LRRC4C: variants seen among roughly 807,000 people sequenced by gnomAD.
LRRC4C encodes leucine-rich repeat-containing protein 4C.
LRRC4C carries 5 observed loss-of-function variants against 33.6 expected under a neutral mutation model. The ratio of observed to expected loss-of-function variants is 0.15; its 90% confidence interval spans 0.08 to 0.31. LRRC4C has a LOEUF of 0.31. Ranked by LOEUF, LRRC4C falls within the 10% of genes least tolerant of loss-of-function variation. The pLI, the probability that LRRC4C is intolerant of heterozygous loss-of-function variation, is 1.00. For synonymous variants in LRRC4C, 329 were observed against 302.0 expected (o/e 1.09, Z -0.93); for missense variants, 560 against 796.7 (o/e 0.70, Z 3.58).
intron 1 of LRRC4C, among the ~76,000 whole-genome samples, chr11:40,978,544 T>G (rs1852258133): frequency 6.6e-6 from 1 of 152,100 alleles, no homozygotes; most frequent in South Asian, 2.1e-4. Flanking sequence ...CAACAAAAGA[T>G]TATCTGTCCC....
At chr11:40,570,365 A>G (rs969158030) in intron 3 of LRRC4C, among the ~76,000 whole-genome samples, 10 of 152,162 alleles carry the variant, frequency 6.6e-5, no homozygotes, top group African/African-American at 1.2e-4. Flanking sequence ...ACCTTGCCCA[A>G]TACAAAGCCA....
chr11:41,454,891 T>A (rs1027060924), intron 1 of LRRC4C, among the ~76,000 whole-genome samples: 1 of 152,162 alleles, frequency 6.6e-6, no homozygotes, highest in Admixed American at 6.6e-5. Context: ...AATGAGAGAA[T>A]ATATGTGAGC....
intron 2 of LRRC4C, among the ~76,000 whole-genome samples, chr11:40,919,779 C>T (rs1421666594): frequency 6.6e-6 from 1 of 152,010 alleles, no homozygotes; most frequent in Non-Finnish European, 1.5e-5. Context: ...GTATAGAAAT[C>T]TACACATTTA....
intron 3 of LRRC4C, among the ~76,000 whole-genome samples, chr11:40,636,012 G>T (rs1963929760): frequency 6.6e-6 from 1 of 152,152 alleles, no homozygotes; most frequent in Non-Finnish European, 1.5e-5. Context: ...TAAGTAAAAA[G>T]AAGTTGCATA....
intron 3 of LRRC4C, among the ~76,000 whole-genome samples, chr11:40,533,562 T>C (rs1237997228): frequency 6.6e-6 from 1 of 152,192 alleles, no homozygotes; most frequent in African/African-American, 2.4e-5. Context: ...TTACTCTCTG[T>C]GCTGCCCTCC....
intron 3 of LRRC4C, among the ~76,000 whole-genome samples, chr11:40,571,525 A>G (rs538776989): frequency 1.6e-4 from 24 of 152,266 alleles, no homozygotes; most frequent in Non-Finnish European, 3.2e-4. Flanking sequence ...GACTTATTCA[A>G]AGGAACCGTC....
rs76651513 is a variant in LRRC4C, at chr11:40,557,459, G to A, written c.-270+90683C>T. Among the ~76,000 whole-genome samples, 691 of 152,244 alleles carry A rather than the reference G, an allele frequency of 4.5e-3. 7 individuals carry two copies. The highest frequency in any genetic ancestry group is 0.016 in the African/African-American group (667 of 41,520). On this transcript the variant is annotated intron_variant, in intron 3 of 6. Transcript: ENST00000528697. The stretch of plus-strand genomic sequence containing the variant: ...TATCTGGCACCCAGTAATATTACAT[G>A]CAAAAGTATCTTTGAACTGAAACGA...
intron 1 of LRRC4C, among the ~76,000 whole-genome samples, chr11:41,278,049 G>A (rs1949539961): frequency 1.3e-5 from 2 of 152,130 alleles, no homozygotes; most frequent in East Asian, 3.9e-4. Flanking sequence ...GGAAGAGAAA[G>A]GCTGGGAGAT....
intron 3 of LRRC4C, among the ~76,000 whole-genome samples, chr11:40,542,443 T>C (rs1956758737): frequency 6.6e-6 from 1 of 152,152 alleles, no homozygotes; most frequent in Non-Finnish European, 1.5e-5. Flanking sequence ...ACATTTCCTC[T>C]TACTATGATT....
At chr11:41,127,445 A>T (rs1295894863) in intron 1 of LRRC4C, among the ~76,000 whole-genome samples, 2 of 152,082 alleles carry the variant, frequency 1.3e-5, no homozygotes, top group Admixed American at 1.3e-4. Flanking sequence ...AGTTAAAATA[A>T]AGTCTGCGTT....
chr11:41,059,523 T>C (rs1773831151), intron 1 of LRRC4C, among the ~76,000 whole-genome samples: 1 of 152,126 alleles, frequency 6.6e-6, no homozygotes. Flanking sequence ...TTTCATGACA[T>C]TTTGTGTCTT....
chr11:41,105,385 C>T (rs548260127), intron 1 of LRRC4C, among the ~76,000 whole-genome samples: 1 of 152,002 alleles, frequency 6.6e-6, no homozygotes, highest in African/African-American at 2.4e-5. Flanking sequence ...CTTATATATA[C>T]ATCACTACGC....
chr11:40,711,150 G>A (rs550426607), intron 2 of LRRC4C, among the ~76,000 whole-genome samples: 14 of 152,290 alleles, frequency 9.2e-5, no homozygotes, highest in South Asian at 4.1e-4. Context: ...TTCGCTTCCC[G>A]GGTGAAGTGA....
rs541803413 is a variant in LRRC4C at position 40,546,853 on chromosome 11, T to TAACA, written c.-270+101285_-270+101288dup. 2.6e-5 allele frequency among the ~76,000 whole-genome samples: 4 copies of TAACA among 152,248 alleles called. No homozygotes were observed. The South Asian group carries it at 8.3e-4, about 32-fold the overall frequency. The stretch of plus-strand genomic sequence containing the variant: ...AGATTTTGAAAGTCAGAGGCTTGAC[T>TAACA]AACACTGCAGTAAGTGGCTGGGCTG... On this transcript the variant is annotated intron_variant, in intron 3 of 6. Transcript: ENST00000528697.
intron 5 of LRRC4C, among the ~76,000 whole-genome samples, chr11:40,223,557 T>C (rs1590752081): frequency 6.6e-6 from 1 of 152,184 alleles, no homozygotes; most frequent in East Asian, 1.9e-4. Context: ...TGCAATTTAT[T>C]TTTAGGCCTC....
intron 2 of LRRC4C, among the ~76,000 whole-genome samples, chr11:40,689,973 C>T (rs897483951): frequency 6.6e-6 from 1 of 152,048 alleles, no homozygotes; most frequent in African/African-American, 2.4e-5. Context: ...TTCATGCGTT[C>T]ATTTAGAAAA....
At chr11:40,249,328 A>G (rs1232297141) in intron 4 of LRRC4C, among the ~76,000 whole-genome samples, 4 of 151,870 alleles carry the variant, frequency 2.6e-5, no homozygotes, top group Non-Finnish European at 5.9e-5. Flanking sequence ...AGAGAGTGAG[A>G]CTCCATCTCA....
In LRRC4C at chr11:40,652,764, G is replaced by GA. The variant is rs955565676; in HGVS notation, c.-406-4487dup. On this transcript the variant is annotated intron_variant, in intron 2 of 6. Transcript: ENST00000528697. ...ATATCAGAATCAGTGAGAAAAGAGA[G>GA]AAAAAAATTCTTAAACTTCTTTTAA... Among the ~76,000 whole-genome samples, 6 of 152,134 alleles carry GA rather than the reference G, an allele frequency of 3.9e-5. No homozygotes were observed. In the East Asian group the frequency reaches 7.7e-4, roughly 20 times the overall value.
At chr11:40,847,566 T>C (rs1487949991) in intron 2 of LRRC4C, among the ~76,000 whole-genome samples, 1 of 152,192 alleles carries the variant, frequency 6.6e-6, no homozygotes, top group Non-Finnish European at 1.5e-5. Flanking sequence ...TTATTGAGGA[T>C]TTTTGTTTCA....
Sources: gnomAD v4.1 joint callset for allele counts (sites outside exome capture counted in the v4.1 genomes callset) on GRCh38, gnomAD v4.1.1 for gene constraint, MANE v1.5 for transcripts, NCBI Gene and HGNC (gene_info 2026-07-23, HGNC 2026-07-21) for gene names.